The following PSMB11 variants were observed in gnomAD, a reference collection of about 807,000 sequenced individuals.
The protein encoded by PSMB11 is proteasome subunit beta type-11.
For synonymous variants in PSMB11, 163 were observed against 167.7 expected (o/e 0.97, Z 0.22); for missense variants, 411 against 408.2 (o/e 1.01, Z -0.06).
Position 23,043,015 on chromosome 14 carries a change from C to T in PSMB11, c.790C>T (p.His264Tyr). 1.2e-6 allele frequency: 2 copies of T among 1,613,910 alleles called. No homozygotes were observed. The highest frequency in any genetic ancestry group is 1.7e-5 in the Admixed American group (1 of 59,994). ...GCCAGAGGAGGATGCCAGCCATGCC[C>T]ATCCTGAGCCTGCCACTGCCCACAG... Reference protein sequence around the residue: ...PEPEEDASHAHPEPATAHRAA... With the variant: ...PEPEEDASHAYPEPATAHRAA... The change falls in exon 1 of 1, where the codon CAT becomes TAT. Residue 264 changes from histidine to tyrosine, a missense_variant. Transcript: ENST00000408907.
In PSMB11 at chr14:23,042,847, G is replaced by A. The variant is rs144901834; in HGVS notation, c.622G>A (p.Ala208Thr). ...TQEAYALARC[A>T]VAHATHRDAY... Reference sequence around the variant, plus strand: ...GGAAGCCTACGCCCTGGCTCGCTGCGCCGTGGCCCACGCCACCCACCGTGA... The same window carrying A: ...GGAAGCCTACGCCCTGGCTCGCTGCACCGTGGCCCACGCCACCCACCGTGA... Residue 208 changes from alanine (A) to threonine (T), a missense_variant, in exon 1 of 1, where the codon GCC becomes ACC. Coordinates refer to ENST00000408907, the MANE Select transcript of PSMB11 (RefSeq NM_001099780.2). The A allele has an allele frequency of 8.4e-4, 1,361 of 1,613,304 alleles. 6 individuals carry two copies. In the African/African-American group the frequency reaches 0.015, roughly 17 times the overall value.
rs1463919799 is a variant in PSMB11 at position 23,042,595 on chromosome 14, A to G, written c.370A>G (p.Ser124Gly). The G allele has an allele frequency of 6.2e-7, 1 of 1,614,196 alleles. No homozygotes were observed. The highest frequency in any genetic ancestry group is 1.1e-5 in the South Asian group (1 of 91,086). ...LRELREGQLP[S>G]VASAAKLLSA... Reference sequence around the variant, plus strand: ...GGAACTGAGGGAGGGTCAGCTGCCCAGTGTGGCCAGTGCTGCCAAGCTCTT... The same window carrying G: ...GGAACTGAGGGAGGGTCAGCTGCCCGGTGTGGCCAGTGCTGCCAAGCTCTT... Residue 124 changes from serine (S) to glycine (G), a missense_variant, in exon 1 of 1, where the codon AGT becomes GGT. Transcript: ENST00000408907.
chr14:23,042,723 C>T lies in PSMB11; in HGVS notation c.498C>T (p.Asp166=), dbSNP rs375580593. Reference sequence around the variant, plus strand: ...CTGAGCTCTTCTACGTCTATAGCGACGGCACCCGCCTGCAGGGGGACATCT... The same window carrying T: ...CTGAGCTCTTCTACGTCTATAGCGATGGCACCCGCCTGCAGGGGGACATCT... ...SGPELFYVYS[D]GTRLQGDIFS... The change falls in exon 1 of 1, where the codon GAC becomes GAT. Residue 166 remains aspartate (D), a synonymous_variant. Coordinates refer to ENST00000408907, the MANE Select transcript of PSMB11 (RefSeq NM_001099780.2). 5.6e-5 allele frequency: 90 copies of T among 1,612,706 alleles called. No individual in the cohort carries two copies. The African/African-American group carries it at 9.3e-4, about 17-fold the overall frequency.
rs765873505 is a variant in PSMB11, at chr14:23,042,446, A to T, written c.221A>T (p.Tyr74Phe). 9.9e-6 allele frequency: 16 copies of T among 1,614,030 alleles called. No individual in the cohort carries two copies. In the South Asian group the frequency reaches 1.6e-4, roughly 17 times the overall value. Residue 74 changes from tyrosine (Y) to phenylalanine (F), a missense_variant, in exon 1 of 1, where the codon TAT becomes TTT. By Grantham distance (22) the Tyr-to-Phe change is conservative. Transcript: ENST00000408907. ...GACACGCGTTCCTCCTGTGGCAGCTATGTGGCGTGTCCAGCCTCATGCAAG... is the reference window on the plus strand; with the variant it reads ...GACACGCGTTCCTCCTGTGGCAGCTTTGTGGCGTGTCCAGCCTCATGCAAG... ...AADTRSSCGSYVACPASCKVI... is the reference protein window; with the variant it reads ...AADTRSSCGSFVACPASCKVI...
rs756865853 is a variant in PSMB11 at position 23,043,088 on chromosome 14, C to T, written c.863C>T (p.Pro288Leu). ...ELSVGPGEVT[P>L]GDSRMPAGTE... ...TCTGTGGGGCCAGGGGAGGTGACACCAGGAGACTCCAGGATGCCAGCAGGG... is the reference window on the plus strand; with the variant it reads ...TCTGTGGGGCCAGGGGAGGTGACACTAGGAGACTCCAGGATGCCAGCAGGG... Residue 288 changes from proline to leucine, a missense_variant, in exon 1 of 1, where the codon CCA (proline) becomes CTA (leucine). Coordinates refer to ENST00000408907, the MANE Select transcript of PSMB11 (RefSeq NM_001099780.2). 2 of 1,613,138 alleles carry T rather than the reference C, an allele frequency of 1.2e-6. No homozygotes were observed. Among genetic ancestry groups the T allele is most frequent in the Non-Finnish European group, 1.7e-6 (2 of 1,179,470 alleles).
At position 23,042,829 on chromosome 14, in the gene PSMB11, T is replaced by G; in HGVS notation, c.604T>G (p.Tyr202Asp). ...YRYDMSTQEA[Y>D]ALARCAVAHA... ...CTACGACATGAGCACCCAGGAAGCC[T>G]ACGCCCTGGCTCGCTGCGCCGTGGC... The change falls in exon 1 of 1, where the codon TAC (tyrosine) becomes GAC (aspartate). Residue 202 changes from tyrosine to aspartate, a missense_variant. By Grantham distance (160) the Tyr-to-Asp change is radical (BLOSUM62 -3). Transcript: ENST00000408907. 6.2e-7 allele frequency: 1 copy of G among 1,613,206 alleles called. No individual in the cohort carries two copies. Among genetic ancestry groups the G allele is most frequent in the East Asian group, 2.2e-5 (1 of 44,868 alleles).
rs372908348 is a variant in PSMB11, at chr14:23,042,721, G to A, written c.496G>A (p.Asp166Asn). ...SGPELFYVYSDGTRLQGDIFS... is the reference protein window; with the variant it reads ...SGPELFYVYSNGTRLQGDIFS... The stretch of plus-strand genomic sequence containing the variant: ...CCCTGAGCTCTTCTACGTCTATAGC[G>A]ACGGCACCCGCCTGCAGGGGGACAT... Residue 166 changes from aspartate to asparagine, a missense_variant, in exon 1 of 1, where the codon GAC becomes AAC. Transcript: ENST00000408907. 1.3e-4 allele frequency: 213 copies of A among 1,612,912 alleles called. 1 individual carries two copies. The highest frequency in any genetic ancestry group is 8.2e-4 in the South Asian group (75 of 91,074).
At position 23,043,264 on chromosome 14, in the gene PSMB11, A is replaced by G; in HGVS notation, c.*136A>G. On this transcript the variant is annotated 3_prime_UTR_variant, in exon 1 of 1. Transcript: ENST00000408907. ...ATGGGTTGCTGGCTTCATTTATTGCAAGTCTCCATCCTTTCATGACTCCCA... is the reference window on the plus strand; with the variant it reads ...ATGGGTTGCTGGCTTCATTTATTGCGAGTCTCCATCCTTTCATGACTCCCA... The G allele has an allele frequency of 1.6e-6, 1 of 622,834 alleles. No homozygotes were observed. 38.6% of individuals were successfully genotyped at this position (622,834 alleles called of 1,614,324 possible). A position where few individuals can be genotyped will look rare whatever the true frequency, so the allele number is the denominator to read the frequency against.
Position 23,043,092 on chromosome 14 carries a change from A to G in PSMB11, c.867A>G (p.Gly289=). ...LSVGPGEVTP[G]DSRMPAGTET... is the part of the protein sequence containing the mutation. ...TGGGGCCAGGGGAGGTGACACCAGG[A>G]GACTCCAGGATGCCAGCAGGGACTG... The change falls in exon 1 of 1, where the codon GGA becomes GGG. Residue 289 remains glycine, a synonymous_variant. Transcript: ENST00000408907. 6.2e-7 allele frequency: 1 copy of G among 1,613,334 alleles called. No homozygotes were observed. Among genetic ancestry groups the G allele is most frequent in the Non-Finnish European group, 8.5e-7 (1 of 1,179,566 alleles).
Position 23,043,023 on chromosome 14 carries a change from G to A in PSMB11, c.798G>A (p.Glu266=). 3 of 1,613,478 alleles carry A rather than the reference G, an allele frequency of 1.9e-6. No individual in the cohort carries two copies. The highest frequency in any genetic ancestry group is 1.7e-6 in the Non-Finnish European group (2 of 1,179,872). Residue 266 remains glutamate, a synonymous_variant, in exon 1 of 1, where the codon GAG becomes GAA. Transcript: ENST00000408907. ...AGGATGCCAGCCATGCCCATCCTGA[G>A]CCTGCCACTGCCCACAGAGCTGCAG... is the stretch of plus-strand genomic sequence containing the variant. ...PEEDASHAHP[E]PATAHRAAED...
Position 23,043,162 on chromosome 14 carries a change from G to A in PSMB11, c.*34G>A. The A allele has an allele frequency of 6.6e-7, 1 of 1,513,660 alleles. No individual in the cohort carries two copies. Among genetic ancestry groups the A allele is most frequent in the South Asian group, 1.2e-5 (1 of 80,500 alleles). 93.8% of individuals were successfully genotyped at this position (1,513,660 alleles called of 1,614,324 possible). On this transcript the variant is annotated 3_prime_UTR_variant, in exon 1 of 1. Transcript: ENST00000408907. ...ACTTGGTTGGGGATGGTGTAGGCCT[G>A]GGGAGTGGGTGGGAGGATGGGCAGC...
In PSMB11 at chr14:23,043,971, T is replaced by A. The variant is rs1323515727; in HGVS notation, c.*843T>A. The A allele has an allele frequency of 6.0e-6, 1 of 167,206 alleles. No homozygotes were observed. The highest frequency in any genetic ancestry group is 6.5e-5 in the Admixed American group (1 of 15,280). The allele number at this position is 167,206 out of a possible 1,614,324, so 10.4% of individuals were successfully genotyped here. On this transcript the variant is annotated 3_prime_UTR_variant, in exon 1 of 1. Transcript: ENST00000408907. ...GGCCAGTCCCCTGCCTGGTGGCTCA[T>A]GTGGCTTTATCTTCCAGGCCTGGAG...
In PSMB11 at chr14:23,043,170, G is replaced by T; in HGVS notation, c.*42G>T. ...GGGGATGGTGTAGGCCTGGGGAGTG[G>T]GTGGGAGGATGGGCAGCAGGGGGAG... On this transcript the variant is annotated 3_prime_UTR_variant, in exon 1 of 1. Transcript: ENST00000408907. 2 of 1,464,466 alleles carry T rather than the reference G, an allele frequency of 1.4e-6. No individual in the cohort carries two copies. Among genetic ancestry groups the T allele is most frequent in the African/African-American group, 1.4e-5 (1 of 71,538 alleles). 90.7% of individuals were successfully genotyped at this position (1,464,466 alleles called of 1,614,324 possible).
chr14:23,043,267 T>A lies in PSMB11; in HGVS notation c.*139T>A, dbSNP rs1243670620. On this transcript the variant is annotated 3_prime_UTR_variant, in exon 1 of 1. Coordinates refer to ENST00000408907, the MANE Select transcript of PSMB11 (RefSeq NM_001099780.2). Reference sequence around the variant, plus strand: ...GGTTGCTGGCTTCATTTATTGCAAGTCTCCATCCTTTCATGACTCCCAGAG... The same window carrying A: ...GGTTGCTGGCTTCATTTATTGCAAGACTCCATCCTTTCATGACTCCCAGAG... 3 of 618,984 alleles carry A rather than the reference T, an allele frequency of 4.8e-6. No homozygotes were observed. Among genetic ancestry groups the A allele is most frequent in the Non-Finnish European group, 8.6e-6 (3 of 348,404 alleles). 38.3% of individuals were successfully genotyped at this position (618,984 alleles called of 1,614,324 possible).
Position 23,042,377 on chromosome 14 carries a change from C to T in PSMB11, c.152C>T (p.Thr51Ile), listed in dbSNP as rs1250779263. 1.1e-5 allele frequency: 18 copies of T among 1,613,704 alleles called. No individual in the cohort carries two copies. The highest frequency in any genetic ancestry group is 1.5e-5 in the Non-Finnish European group (18 of 1,180,018). ...GGCCCCAGACTGGCCCACGGCACCA[C>T]CACTCTGGCCTTCCGCTTCCGTCAT... is the stretch of plus-strand genomic sequence containing the variant. ...IHGPRLAHGT[T>I]TLAFRFRHGV... Residue 51 changes from threonine (T) to isoleucine (I), a missense_variant, in exon 1 of 1, where the codon ACC becomes ATC. By Grantham distance (89) the Thr-to-Ile change is moderately conservative (BLOSUM62 -1). Transcript: ENST00000408907.
In PSMB11 at chr14:23,042,853, G is replaced by C; in HGVS notation, c.628G>C (p.Ala210Pro). 2.5e-6 allele frequency: 4 copies of C among 1,613,572 alleles called. No homozygotes were observed. In the African/African-American group the frequency reaches 5.3e-5, roughly 21 times the overall value. The change falls in exon 1 of 1, where the codon GCC (alanine) becomes CCC (proline). Residue 210 changes from alanine to proline, a missense_variant. Ala to Pro is a conservative substitution (Grantham distance 27). Coordinates refer to ENST00000408907, the MANE Select transcript of PSMB11 (RefSeq NM_001099780.2). The part of the protein sequence containing the change: ...EAYALARCAV[A>P]HATHRDAYSG... ...CTACGCCCTGGCTCGCTGCGCCGTGGCCCACGCCACCCACCGTGATGCCTA... is the reference window on the plus strand; with the variant it reads ...CTACGCCCTGGCTCGCTGCGCCGTGCCCCACGCCACCCACCGTGATGCCTA...
rs201834524 is a variant in PSMB11, at chr14:23,042,781, G to A, written c.556G>A (p.Gly186Ser). 1.9e-4 allele frequency: 313 copies of A among 1,613,012 alleles called. No individual in the cohort carries two copies. The highest frequency in any genetic ancestry group is 8.0e-5 in the African/African-American group (6 of 75,042). Residue 186 changes from glycine (G) to serine (S), a missense_variant, in exon 1 of 1, where the codon GGC becomes AGC. Coordinates refer to ENST00000408907, the MANE Select transcript of PSMB11 (RefSeq NM_001099780.2). ...GGGCTCTGGATCTCCCTATGCCTAC[G>A]GCGTGCTAGACCGTGGCTATCGCTA... ...SVGSGSPYAY[G>S]VLDRGYRYDM...
Position 23,042,711 on chromosome 14 carries a change from C to T in PSMB11, c.486C>T (p.Tyr162=), listed in dbSNP as rs146768465. The T allele has an allele frequency of 0.012, 20,067 of 1,613,172 alleles. 171 individuals carry two copies. The highest frequency in any genetic ancestry group is 0.015 in the Non-Finnish European group (17,625 of 1,179,964). ...ACCGCTCTGGCCCTGAGCTCTTCTA[C>T]GTCTATAGCGACGGCACCCGCCTGC... ...GWDRSGPELF[Y]VYSDGTRLQG... The change falls in exon 1 of 1, where the codon TAC becomes TAT. Residue 162 remains tyrosine (Y), a synonymous_variant. Transcript: ENST00000408907.
At position 23,043,087 on chromosome 14, in the gene PSMB11, C is replaced by T. The variant is rs753428599; in HGVS notation, c.862C>T (p.Pro288Ser). 5 of 1,612,964 alleles carry T rather than the reference C, an allele frequency of 3.1e-6. No homozygotes were observed. The highest frequency in any genetic ancestry group is 4.2e-6 in the Non-Finnish European group (5 of 1,179,456). The change falls in exon 1 of 1, where the codon CCA (proline) becomes TCA (serine). Residue 288 changes from proline to serine, a missense_variant. Pro to Ser is a moderately conservative substitution (Grantham distance 74). Transcript: ENST00000408907. ...ELSVGPGEVT[P>S]GDSRMPAGTE... ...CTCTGTGGGGCCAGGGGAGGTGACACCAGGAGACTCCAGGATGCCAGCAGG... is the reference window on the plus strand; with the variant it reads ...CTCTGTGGGGCCAGGGGAGGTGACATCAGGAGACTCCAGGATGCCAGCAGG...
Sources: allele counts gnomAD v4.1 joint callset, GRCh38; gene constraint gnomAD v4.1.1; transcripts MANE v1.5; gene names NCBI Gene and HGNC (gene_info 2026-07-23, HGNC 2026-07-21).